Variants in NINJ2 observed in about 807,000 individuals in gnomAD.
NINJ2 encodes ninjurin-2.
A neutral mutation model predicts 11.7 loss-of-function variants in NINJ2; 12 were observed. The ratio of observed to expected loss-of-function variants is 1.02; its 90% CI spans 0.66 to 1.66. The LOEUF (loss-of-function observed/expected upper bound fraction) is 1.66, where lower values mean the gene tolerates loss of function less well. NINJ2 is among the 40% of genes most tolerant of loss of function. The pLI is 0.00. For synonymous variants in NINJ2, 93 were observed against 76.8 expected, an observed-to-expected ratio of 1.21 and a Z score of -1.10; for missense variants, 187 against 181.8, an observed-to-expected ratio of 1.03 and a Z score of -0.16.
At position 568,663 on chromosome 12, in the gene NINJ2, C is replaced by T. The variant is rs149835796; in HGVS notation, c.34-2485G>A. On this transcript the variant is annotated intron_variant, in intron 1 of 3. Transcript: ENST00000305108. ...CAGGCCATCAGCTTTCTACACGGGG[C>T]AGTTCCCTGCACCTGGGTTGTTCAT... 3.9e-3 allele frequency among the ~76,000 whole-genome samples: 591 copies of T among 152,346 alleles called. 7 individuals carry two copies. The highest frequency in any genetic ancestry group is 0.013 in the African/African-American group (550 of 41,572).
chr12:639,569 C>T (rs1016254959), intron 1 of NINJ2, among the ~76,000 whole-genome samples: 2 of 152,172 alleles, frequency 1.3e-5, no homozygotes, highest in Non-Finnish European at 2.9e-5. Flanking sequence ...AAAAAGTCCC[C>T]ATTGCCACCC....
chr12:567,326 CAGATGGATGGAT>C (rs1947314918), intron 1 of NINJ2, among the ~76,000 whole-genome samples: 1 of 151,756 alleles, frequency 6.6e-6, no homozygotes, highest in African/African-American at 2.4e-5. Context: ...TGCGTGGGGA[CAGATGGATGGAT>C]AGATGGATGC....
chr12:624,123 C>T (rs572733815), intron 1 of NINJ2, among the ~76,000 whole-genome samples: 44 of 152,294 alleles, frequency 2.9e-4, no homozygotes, highest in Middle Eastern at 3.4e-3. Flanking sequence ...CTGAACTCTA[C>T]GTCCCATCCT....
intron 1 of NINJ2, among the ~76,000 whole-genome samples, chr12:650,624 G>A (rs551916642): frequency 3.9e-5 from 6 of 152,084 alleles, no homozygotes; most frequent in Admixed American, 6.5e-5. Flanking sequence ...GCTTGAACCC[G>A]GGAGGCGGAG....
At position 581,027 on chromosome 12, in the gene NINJ2, GTGTA is replaced by G. The variant is rs964252392; in HGVS notation, c.34-14853_34-14850del. 2.0e-5 allele frequency among the ~76,000 whole-genome samples: 3 copies of G among 151,296 alleles called. No individual in the cohort carries two copies. Among genetic ancestry groups the G allele is most frequent in the Admixed American group, 1.3e-4 (2 of 15,178 alleles). On this transcript the variant is annotated intron_variant, in intron 1 of 3. Coordinates refer to ENST00000305108, the MANE Select transcript of NINJ2 (RefSeq NM_016533.6). The surrounding 1 kb of genome is among the most constrained non-coding windows in gnomAD (Gnocchi z 4.9). ...GTGTGAATGTGTGTGTTCATGTCTTGTGTATGTGTCTGTGTGTGTCTGTGTCTGT... is the reference window on the plus strand; with the variant it reads ...GTGTGAATGTGTGTGTTCATGTCTTGTGTGTCTGTGTGTGTCTGTGTCTGT...
At chr12:627,268 T>A (rs904331741) in intron 1 of NINJ2, among the ~76,000 whole-genome samples, 7 of 152,218 alleles carry the variant, frequency 4.6e-5, no homozygotes, top group Non-Finnish European at 5.9e-5. Flanking sequence ...CCTTTTAGAA[T>A]TGAAGCTTCT....
At position 595,749 on chromosome 12, in the gene NINJ2, G is replaced by A. The variant is rs1443112444; in HGVS notation, c.34-29571C>T. On this transcript the variant is annotated intron_variant, in intron 1 of 3. Transcript: ENST00000305108. Reference sequence around the variant, plus strand: ...GCCTGGGCAACAAGAGTTAAACTCCGTCTTAGGGGGAAAAAAAAAACACTT... The same window carrying A: ...GCCTGGGCAACAAGAGTTAAACTCCATCTTAGGGGGAAAAAAAAAACACTT... Among the ~76,000 whole-genome samples, 10 of 151,776 alleles carry A rather than the reference G, an allele frequency of 6.6e-5. No homozygotes were observed. The East Asian group carries it at 7.7e-4, about 12-fold the overall frequency.
At position 581,412 on chromosome 12, in the gene NINJ2, C is replaced by T. The variant is rs1052371536; in HGVS notation, c.34-15234G>A. 7.9e-5 allele frequency among the ~76,000 whole-genome samples: 12 copies of T among 152,126 alleles called. No homozygotes were observed. Among genetic ancestry groups the T allele is most frequent in the South Asian group, 2.1e-4 (1 of 4,816 alleles). ...TTGGTGGGCCAGCCTGAATCTGCTG[C>T]GCCTGCCAGCTTCAGCCAATCCAAG... On this transcript the variant is annotated intron_variant, in intron 1 of 3. Transcript: ENST00000305108. This position sits in a 1 kb window ranked among gnomAD's most constrained non-coding sequence, Gnocchi z 4.9.
intron 1 of NINJ2, among the ~76,000 whole-genome samples, chr12:607,351 G>GGAT (rs10592628): frequency 2.0e-4 from 30 of 150,810 alleles, no homozygotes; most frequent in East Asian, 3.9e-4. Context: ...ACTCTGTAAG[G>GGAT]GATGATGATG....
chr12:615,576 C>T (rs890762768), intron 1 of NINJ2, among the ~76,000 whole-genome samples: 2 of 152,074 alleles, frequency 1.3e-5, no homozygotes, highest in African/African-American at 4.8e-5. Context: ...GCGACAAGAG[C>T]GAAACTCCAT....
At chr12:569,691 G>A (rs1947351015) in intron 1 of NINJ2, among the ~76,000 whole-genome samples, 1 of 152,206 alleles carries the variant, frequency 6.6e-6, no homozygotes, top group Non-Finnish European at 1.5e-5. Flanking sequence ...GCAGCACGGA[G>A]GTCTTCCCAA....
chr12:601,426 T>C (rs1024810850), intron 1 of NINJ2, among the ~76,000 whole-genome samples: 4 of 151,296 alleles, frequency 2.6e-5, no homozygotes, highest in Admixed American at 1.3e-4. Context: ...CGGGCGCCTG[T>C]AGTCCCAGCT....
At chr12:648,988 A>G (rs73037139) in intron 1 of NINJ2, among the ~76,000 whole-genome samples, 21,347 of 149,870 alleles carry the variant, frequency 0.14, 1,805 homozygotes, top group South Asian at 0.23. Flanking sequence ...CTATCTATCT[A>G]TCTATCTGTC....
intron 1 of NINJ2, among the ~76,000 whole-genome samples, chr12:639,672 G>A (rs1948396828): frequency 2.0e-5 from 3 of 152,282 alleles, no homozygotes; most frequent in African/African-American, 7.2e-5. Flanking sequence ...CTGCTACTGA[G>A]AGAACATGAC....
Position 591,309 on chromosome 12 carries a change from T to C in NINJ2, c.34-25131A>G, listed in dbSNP as rs1448299509. On this transcript the variant is annotated intron_variant, in intron 1 of 3. Transcript: ENST00000305108. The surrounding 1 kb of genome is among the most constrained non-coding windows in gnomAD (Gnocchi z 5.0). ...TCAAGCAGCGGGTGCCATGCCTAGA[T>C]CTTACAATTCCCGGCAGCATCTCCC... is the stretch of plus-strand genomic sequence containing the variant. The C allele has an allele frequency of 1.3e-5, 2 of 152,344 alleles. No individual in the cohort carries two copies. Among genetic ancestry groups the C allele is most frequent in the South Asian group, 4.1e-4 (2 of 4,820 alleles). The allele number at this position is 152,344 out of a possible 1,614,324, so 9.4% of individuals were successfully genotyped here. A position where few individuals can be genotyped will look rare whatever the true frequency, so the allele number is the denominator to read the frequency against.
chr12:566,291 A>C (rs1439562122), intron 1 of NINJ2, 113 bp from the exon 2 acceptor site: 3 of 808,122 alleles, frequency 3.7e-6, no homozygotes, highest in Non-Finnish European at 5.9e-6. Flanking sequence ...TGGGAAGCTC[A>C]GGGCAAATGA....
intron 1 of NINJ2, among the ~76,000 whole-genome samples, chr12:635,552 C>T (rs542776087): frequency 2.4e-4 from 37 of 152,306 alleles, no homozygotes; most frequent in South Asian, 1.0e-3. Context: ...AAACTGGACC[C>T]TTACCTTATG....
At chr12:565,425 A>C in intron 2 of NINJ2, 24 bp from the exon 3 acceptor site, 2 of 1,610,002 alleles carry the variant, frequency 1.2e-6, no homozygotes. Flanking sequence ...GAGTGGGGGG[A>C]AAGGGTCAGA....
At chr12:611,271 T>C (rs866420796) in intron 1 of NINJ2, among the ~76,000 whole-genome samples, 7 of 132,952 alleles carry the variant, frequency 5.3e-5, no homozygotes, top group East Asian at 2.2e-4. Context: ...CTTTCTTTCT[T>C]TCTCTCTCTC....
Sources: allele counts gnomAD v4.1 joint callset (sites outside exome capture counted in the v4.1 genomes callset), GRCh38; gene constraint gnomAD v4.1.1; non-coding constraint Gnocchi (gnomAD v3.1); transcripts MANE v1.5; gene names NCBI Gene and HGNC (gene_info 2026-07-23, HGNC 2026-07-21).